The following GALNT13 variants were observed in gnomAD, a reference collection of about 807,000 sequenced individuals.
GALNT13 encodes polypeptide N-acetylgalactosaminyltransferase 13, also known as UDP-GalNAc:polypeptide N-acetylgalactosaminyltransferase 13.
Under a neutral mutation model 64.2 loss-of-function variants are expected in GALNT13, and 28 were observed. The observed-to-expected ratio is 0.44, with a 90% confidence interval of 0.32 to 0.60. The LOEUF is 0.60. GALNT13 is among the 20% of genes least tolerant of loss of function. GALNT13 has a pLI of 0.05. For synonymous variants in GALNT13, 214 were observed against 224.6 expected (o/e 0.95, Z 0.42); for missense variants, 577 against 669.8 (o/e 0.86, Z 1.53).
intron 2 of GALNT13, among the ~76,000 whole-genome samples, chr2:153,914,841 CTT>C (rs1689221814): frequency 2.0e-5 from 3 of 152,100 alleles, no homozygotes; most frequent in Admixed American, 1.3e-4. Flanking sequence ...GAGGAAACCT[CTT>C]ATTACATTCT....
intron 3 of GALNT13, among the ~76,000 whole-genome samples, chr2:154,126,837 G>A (rs1351142092): frequency 6.6e-6 from 1 of 151,892 alleles, no homozygotes; most frequent in African/African-American, 2.4e-5. Context: ...TCACTTGGGG[G>A]TCTCCCATAT....
At chr2:153,588,115 T>C in the GALNT13 span, among the ~76,000 whole-genome samples, 1 of 152,336 alleles carries the variant, frequency 6.6e-6, no homozygotes, top group African/African-American at 2.4e-5. Context: ...TCTGCCCCTG[T>C]GGCTTTTCAG....
the GALNT13 span, among the ~76,000 whole-genome samples, chr2:153,786,672 AGCTGCTCCACCCCACTG>A: frequency 6.6e-6 from 1 of 151,528 alleles, no homozygotes; most frequent in Non-Finnish European, 1.5e-5. Flanking sequence ...CCAGCAGTGC[AGCTGCTCCACCCCACTG>A]GCTGAACACT....
the GALNT13 span, among the ~76,000 whole-genome samples, chr2:153,078,890 T>C: frequency 6.6e-6 from 1 of 152,172 alleles, no homozygotes; most frequent in Non-Finnish European, 1.5e-5. Flanking sequence ...TGTATTAGAC[T>C]CCTGGGAATC....
downstream of GALNT13, among the ~76,000 whole-genome samples, chr2:154,455,630 T>C (rs534966703): frequency 9.1e-4 from 139 of 152,310 alleles, no homozygotes; most frequent in Non-Finnish European, 1.5e-3. Flanking sequence ...CTGTTGTGAC[T>C]ACACCATGTT....
chr2:153,407,616 C>T, the GALNT13 span, among the ~76,000 whole-genome samples: 30 of 152,156 alleles, frequency 2.0e-4, no homozygotes, highest in Non-Finnish European at 7.3e-5. Flanking sequence ...AGCTCTCACC[C>T]GAGCTGCATC....
chr2:153,148,677 C>G, the GALNT13 span, among the ~76,000 whole-genome samples: 129 of 151,652 alleles, frequency 8.5e-4, 1 homozygote, highest in African/African-American at 2.8e-3. Context: ...CACTTAGATT[C>G]CATTGCTTGT....
At chr2:153,260,778 T>A in the GALNT13 span, among the ~76,000 whole-genome samples, 2 of 152,146 alleles carry the variant, frequency 1.3e-5, no homozygotes, top group African/African-American at 2.4e-5. Flanking sequence ...ATTTAAATAA[T>A]CTTTCTACCC....
At chr2:153,483,086 A>C in the GALNT13 span, among the ~76,000 whole-genome samples, 6 of 152,326 alleles carry the variant, frequency 3.9e-5, no homozygotes, top group Admixed American at 2.6e-4. Context: ...AAAAATGCTA[A>C]GGATGTGGAG....
At chr2:154,127,240 C>G (rs1485580964) in intron 3 of GALNT13, among the ~76,000 whole-genome samples, 2 of 151,906 alleles carry the variant, frequency 1.3e-5, no homozygotes, top group Non-Finnish European at 2.9e-5. Context: ...TAGTATTAAC[C>G]CATAATATAA....
At chr2:154,224,816 C>A (rs540890526) in intron 4 of GALNT13, among the ~76,000 whole-genome samples, 1 of 152,000 alleles carries the variant, frequency 6.6e-6, no homozygotes, top group African/African-American at 2.4e-5. Context: ...TTCCTCTTAA[C>A]CTTGGTGGAA....
chr2:154,035,603 A>T (rs1176128226), intron 3 of GALNT13, among the ~76,000 whole-genome samples: 3 of 152,018 alleles, frequency 2.0e-5, no homozygotes, highest in Non-Finnish European at 4.4e-5. Flanking sequence ...ACACTTAAAC[A>T]GTATGTTAGA....
the GALNT13 span, among the ~76,000 whole-genome samples, chr2:153,214,778 A>T: frequency 6.6e-6 from 1 of 152,198 alleles, no homozygotes; most frequent in Non-Finnish European, 1.5e-5. Context: ...TAATAAAAAA[A>T]TAAGTAATCT....
chr2:153,300,941 T>C, the GALNT13 span, among the ~76,000 whole-genome samples: 2 of 152,182 alleles, frequency 1.3e-5, no homozygotes, highest in Admixed American at 6.5e-5. Flanking sequence ...TGGTGGCTCA[T>C]GCCTGTAATC....
chr2:153,625,302 A>G, the GALNT13 span, among the ~76,000 whole-genome samples: 1 of 152,118 alleles, frequency 6.6e-6, no homozygotes, highest in South Asian at 2.1e-4. Context: ...AGAAAGAGCT[A>G]TGTTCAAATA....
At chr2:154,432,587 C>T (rs1700758992) in intron 11 of GALNT13, among the ~76,000 whole-genome samples, 1 of 152,132 alleles carries the variant, frequency 6.6e-6, no homozygotes. Flanking sequence ...GTCAGAAGTG[C>T]CATACTCCCT....
At chr2:153,642,579 A>T in the GALNT13 span, among the ~76,000 whole-genome samples, 1 of 151,882 alleles carries the variant, frequency 6.6e-6, no homozygotes, top group Non-Finnish European at 1.5e-5. Context: ...AAAACATATA[A>T]AACAGGGCTT....
chr2:153,816,528 C>A, the GALNT13 span, among the ~76,000 whole-genome samples: 2 of 152,142 alleles, frequency 1.3e-5, no homozygotes, highest in African/African-American at 2.4e-5. Flanking sequence ...GCTGCTGCCA[C>A]ATTTAGAAAT....
the GALNT13 span, among the ~76,000 whole-genome samples, chr2:153,394,260 G>A: frequency 1.3e-5 from 2 of 152,106 alleles, no homozygotes; most frequent in African/African-American, 2.4e-5. Flanking sequence ...TCTATGATGT[G>A]AAGATTGTTG....
Sources: allele counts gnomAD v4.1 joint callset (sites outside exome capture counted in the v4.1 genomes callset), GRCh38; gene constraint gnomAD v4.1.1; transcripts MANE v1.5; gene names NCBI Gene and HGNC (gene_info 2026-07-23, HGNC 2026-07-21).